NOMO3: variants seen among roughly 807,000 people sequenced by gnomAD.
NOMO3 encodes NODAL modulator 3, also known as BOS complex subunit NOMO3.
A neutral mutation model predicts 69.9 loss-of-function variants in NOMO3; 15 were observed. That is an observed-to-expected ratio of 0.21 (90% CI 0.14 to 0.33). The LOEUF (loss-of-function observed/expected upper bound fraction) is 0.33, where lower values mean the gene tolerates loss of function less well. Among genes scored for constraint, NOMO3 ranks in the 10% least tolerant of loss-of-function variants. The probability of loss-of-function intolerance (pLI) is 1.00; values close to 1 mark genes in which losing one functional copy is unlikely to be tolerated. For missense variants in NOMO3, 218 were observed against 761.0 expected (o/e 0.29, Z 8.39); for synonymous variants, 89 against 301.9 (o/e 0.29, Z 7.31).
rs796554457 is a variant in NOMO3, at chr16:16,259,184, C to T, written c.1221-2318C>T. On this transcript the variant is annotated intron_variant, in intron 11 of 30. Coordinates refer to ENST00000399336, the MANE Select transcript of NOMO3 (RefSeq NM_001004067.4). ...GGGTAGATGGAGGCGGTGCTGTTCACGGAGATGGAGGAAATATATTTATTT... is the reference window on the plus strand; with the variant it reads ...GGGTAGATGGAGGCGGTGCTGTTCATGGAGATGGAGGAAATATATTTATTT... Among the ~76,000 whole-genome samples, 42 of 143,694 alleles carry T rather than the reference C, an allele frequency of 2.9e-4. 7 individuals carry two copies. The highest frequency in any genetic ancestry group is 1.0e-3 in the African/African-American group (36 of 35,126). The allele number at this position is 143,694 out of a possible 152,430, so 94.3% of individuals were successfully genotyped here.
intron 11 of NOMO3, 101 bp from the exon 12 acceptor site, chr16:16,261,401 G>A: frequency 6.8e-7 from 1 of 1,477,486 alleles, no homozygotes; most frequent in South Asian, 1.3e-5. Flanking sequence ...ACTATTCTCA[G>A]GAACAAGGGC....
rs539790937 is a variant in NOMO3, at chr16:16,235,637, C to T, written c.166-1264C>T. Among the ~76,000 whole-genome samples, 692 of 144,738 alleles carry T rather than the reference C, an allele frequency of 4.8e-3. 10 individuals are homozygous for T. Among genetic ancestry groups the T allele is most frequent in the Non-Finnish European group, 7.8e-3 (528 of 67,484 alleles). 95.0% of individuals were successfully genotyped at this position (144,738 alleles called of 152,430 possible). ...CCTCAAGCAGTCCTCCTGCCTCGGC[C>T]TCCTGAGTAGCTGAGGCTACAGGCA... is the stretch of plus-strand genomic sequence containing the variant. On this transcript the variant is annotated intron_variant, in intron 1 of 30. Transcript: ENST00000399336.
intron 4 of NOMO3, among the ~76,000 whole-genome samples, chr16:16,243,926 G>A (rs1207277065): frequency 6.9e-6 from 1 of 144,534 alleles, no homozygotes; most frequent in Non-Finnish European, 1.5e-5. Flanking sequence ...TGGGTGAATT[G>A]AAGTCAGCTT....
intron 9 of NOMO3, among the ~76,000 whole-genome samples, chr16:16,254,429 A>G (rs903960188): frequency 2.1e-5 from 3 of 142,930 alleles, no homozygotes; most frequent in Non-Finnish European, 3.0e-5. Context: ...GGAAAGATCA[A>G]TAAGGACTAC....
intron 1 of NOMO3, among the ~76,000 whole-genome samples, chr16:16,236,307 T>C (rs1204645023): frequency 3.5e-5 from 5 of 143,588 alleles, no homozygotes; most frequent in Non-Finnish European, 7.4e-5. Context: ...TGCTGTGGCA[T>C]GATCTTGGCT....
intron 11 of NOMO3, among the ~76,000 whole-genome samples, chr16:16,258,860 G>A (rs148299038): frequency 0.035 from 4,853 of 139,582 alleles, 461 homozygotes; most frequent in African/African-American, 0.055. Context: ...GTGAGATTCC[G>A]TCTCAAAAAA....
At chr16:16,243,968 A>G (rs2049395202) in intron 4 of NOMO3, among the ~76,000 whole-genome samples, 1 of 144,388 alleles carries the variant, frequency 6.9e-6, no homozygotes, top group South Asian at 2.2e-4. Context: ...TGCTTCTGAC[A>G]CTTACGTAGG....
chr16:16,265,398 C>T (rs549140708), intron 15 of NOMO3: 59 of 595,576 alleles, frequency 9.9e-5, no homozygotes, highest in Non-Finnish European at 1.6e-4. Flanking sequence ...CCTGGCCCTA[C>T]ACTAAATCTG....
In NOMO3 at chr16:16,240,241, C is replaced by T. The variant is rs4780625; in HGVS notation, c.301+345C>T. On this transcript the variant is annotated intron_variant, in intron 3 of 30. Coordinates refer to ENST00000399336, the MANE Select transcript of NOMO3 (RefSeq NM_001004067.4). ...CCCAGGATGGCTTCTTTTTTAGCCC[C>T]CTCAGTTTTTTAAGTTTTTATGGAA... Among the ~76,000 whole-genome samples, 12 of 144,204 alleles carry T rather than the reference C, an allele frequency of 8.3e-5. 1 individual carries two copies. Among genetic ancestry groups the T allele is most frequent in the African/African-American group, 1.9e-4 (7 of 35,976 alleles). The allele number at this position is 144,204 out of a possible 152,430, so 94.6% of individuals were successfully genotyped here.
chr16:16,242,915 C>T (rs1249343021), intron 3 of NOMO3, among the ~76,000 whole-genome samples: 1 of 142,710 alleles, frequency 7.0e-6, no homozygotes, highest in Admixed American at 6.8e-5. Flanking sequence ...TTATTTTATA[C>T]TCTAAACACG....
chr16:16,259,310 T>C (rs2049544732), intron 11 of NOMO3, among the ~76,000 whole-genome samples: 1 of 144,330 alleles, frequency 6.9e-6, no homozygotes. Context: ...TGTAGTACAT[T>C]TGCCTTTTTA....
At position 16,243,545 on chromosome 16, in the gene NOMO3, A is replaced by G. The variant is rs1434941397; in HGVS notation, c.402+284A>G. Among the ~76,000 whole-genome samples, 9 of 142,340 alleles carry G rather than the reference A, an allele frequency of 6.3e-5. 1 individual carries two copies. Among genetic ancestry groups the G allele is most frequent in the South Asian group, 2.2e-4 (1 of 4,452 alleles). The allele number at this position is 142,340 out of a possible 152,430, so 93.4% of individuals were successfully genotyped here. ...TTATTTTGAGACAGGGTCTTCCTCT[A>G]TTGCCCAGGCTGGAGTGCAGTGGTG... On this transcript the variant is annotated intron_variant, in intron 4 of 30. Coordinates refer to ENST00000399336, the MANE Select transcript of NOMO3 (RefSeq NM_001004067.4).
chr16:16,260,202 G>A (rs1240803750), intron 11 of NOMO3, among the ~76,000 whole-genome samples: 1 of 108,800 alleles, frequency 9.2e-6, no homozygotes, highest in Non-Finnish European at 1.7e-5. Flanking sequence ...TGAGCCATAC[G>A]GTCTCTAGGA....
Position 16,249,300 on chromosome 16 carries a change from G to C in NOMO3, c.583-1628G>C, listed in dbSNP as rs148158306. On this transcript the variant is annotated intron_variant, in intron 6 of 30. Transcript: ENST00000399336. ...AACATTTAAAAATATTTTATTCGAGGCTGGGCGCAGTTGCTCATGCTGTAA... is the reference window on the plus strand; with the variant it reads ...AACATTTAAAAATATTTTATTCGAGCCTGGGCGCAGTTGCTCATGCTGTAA... Among the ~76,000 whole-genome samples, 809 of 145,530 alleles carry C rather than the reference G, an allele frequency of 5.6e-3. 44 individuals carry two copies. Among genetic ancestry groups the C allele is most frequent in the Non-Finnish European group, 8.2e-3 (559 of 67,794 alleles).
intron 11 of NOMO3, among the ~76,000 whole-genome samples, chr16:16,258,051 C>G (rs1435540463): frequency 7.1e-6 from 1 of 141,648 alleles, no homozygotes; most frequent in Non-Finnish European, 1.5e-5. Context: ...ATGCCTCACA[C>G]CTGTAATCCA....
chr16:16,237,310 C>T (rs1417571775), intron 2 of NOMO3, among the ~76,000 whole-genome samples: 3 of 144,134 alleles, frequency 2.1e-5, no homozygotes, highest in Non-Finnish European at 4.4e-5. Flanking sequence ...CCTACGACAG[C>T]CCAGATGTCA....
chr16:16,262,983 C>T (rs1392791428), intron 12 of NOMO3, 91 bp from the exon 13 acceptor site: 9 of 1,546,380 alleles, frequency 5.8e-6, no homozygotes, highest in Non-Finnish European at 6.9e-6. Flanking sequence ...TCTCTTTAGC[C>T]TTGGTCCCAG....
At position 16,243,001 on chromosome 16, in the gene NOMO3, C is replaced by T. The variant is rs2856530; in HGVS notation, c.302-160C>T. The stretch of plus-strand genomic sequence containing the variant: ...GGAGACTTTTCCCAGAATACTTTTT[C>T]GTACCTTTGGATTTGGAAACACAAC... On this transcript the variant is annotated intron_variant, in intron 3 of 30. Transcript: ENST00000399336. Among the ~76,000 whole-genome samples the T allele has an allele frequency of 7.9e-3, 1,114 of 141,388 alleles. 41 individuals carry two copies. The highest frequency in any genetic ancestry group is 0.031 in the African/African-American group (1,032 of 33,456). 92.8% of individuals were successfully genotyped at this position (141,388 alleles called of 152,430 possible). A position where few individuals can be genotyped will look rare whatever the true frequency, so the allele number is the denominator to read the frequency against.
intron 3 of NOMO3, among the ~76,000 whole-genome samples, chr16:16,241,352 C>T (rs2049372293): frequency 7.0e-6 from 1 of 142,470 alleles, no homozygotes; most frequent in Admixed American, 6.8e-5. Context: ...ATTCTCTTTG[C>T]TGTTGAGAAT....
Sources: allele counts gnomAD v4.1 joint callset (sites outside exome capture counted in the v4.1 genomes callset), GRCh38; gene constraint gnomAD v4.1.1; transcripts MANE v1.5; gene names NCBI Gene and HGNC (gene_info 2026-07-23, HGNC 2026-07-21).